Variants in METTL8 observed in about 807,000 individuals in gnomAD.
METTL8 encodes methyltransferase 8, tRNA N3-cytidine.
Under a neutral mutation model 48.7 loss-of-function variants are expected in METTL8, and 32 were observed. The observed-to-expected ratio is 0.66, with a 90% CI of 0.50 to 0.88. METTL8 has a LOEUF of 0.88. METTL8 is among the 40% of genes least tolerant of loss of function. The probability of loss-of-function intolerance (pLI) is 0.00; values close to 1 mark genes in which losing one functional copy is unlikely to be tolerated. For synonymous variants in METTL8, 136 were observed against 157.1 expected (o/e 0.87, Z 1.01); for missense variants, 464 against 474.4 (o/e 0.98, Z 0.20).
At chr2:171,404,020 T>A (rs868444800) in intron 1 of METTL8, among the ~76,000 whole-genome samples, 1 of 129,112 alleles carries the variant, frequency 7.7e-6, no homozygotes, top group Non-Finnish European at 1.6e-5. Flanking sequence ...AAACTGTGAA[T>A]AGTAACAAAC....
At position 171,407,792 on chromosome 2, in the gene METTL8, CTG is replaced by C. The variant is rs1194233114; in HGVS notation, c.-12-15597_-12-15596del. ...TATAACTGCTACTTGATTTCAGTGT[CTG>C]TGTTTGCATTTATGATCTTGCTGGC... On this transcript the variant is annotated intron_variant, in intron 1 of 9. Coordinates refer to ENST00000375258, the MANE Select transcript of METTL8 (RefSeq NM_001321154.2). 2.0e-5 allele frequency among the ~76,000 whole-genome samples: 3 copies of C among 152,180 alleles called. No individual in the cohort carries two copies. The East Asian group carries it at 5.8e-4, about 29-fold the overall frequency.
At chr2:171,361,395 A>T (rs749880719) in intron 2 of METTL8, among the ~76,000 whole-genome samples, 18 of 152,078 alleles carry the variant, frequency 1.2e-4, no homozygotes, top group African/African-American at 2.2e-4. Flanking sequence ...AACCCCTAAC[A>T]CTATTATCAT....
intron 1 of METTL8, among the ~76,000 whole-genome samples, chr2:171,430,348 A>C (rs1179727890): frequency 6.6e-6 from 1 of 151,516 alleles, no homozygotes; most frequent in Non-Finnish European, 1.5e-5. Context: ...ACAGAGCAAG[A>C]CTCCATCTCA....
intron 9 of METTL8, 71 bp from the exon 10 acceptor site, chr2:171,324,433 T>G (rs1684722169): frequency 7.8e-7 from 1 of 1,275,860 alleles, no homozygotes; most frequent in African/African-American, 1.5e-5. Flanking sequence ...AGTAGAACAC[T>G]GATGGAATAA....
chr2:171,404,134 T>C (rs1689948124), intron 1 of METTL8, among the ~76,000 whole-genome samples: 1 of 131,120 alleles, frequency 7.6e-6, no homozygotes, highest in African/African-American at 2.9e-5. Context: ...CTTAAGAGAT[T>C]AGCAATAACT....
chr2:171,380,185 A>G (rs751668963), intron 2 of METTL8, among the ~76,000 whole-genome samples: 2 of 152,234 alleles, frequency 1.3e-5, no homozygotes, highest in Admixed American at 6.5e-5. Context: ...AAGGCCTTCA[A>G]TAAAATTCAA....
At chr2:171,427,135 C>T (rs370756544) in intron 1 of METTL8, among the ~76,000 whole-genome samples, 1 of 151,322 alleles carries the variant, frequency 6.6e-6, no homozygotes, top group African/African-American at 2.5e-5. Context: ...TAGGATTTCA[C>T]TTGATTCTTT....
intron 2 of METTL8, 148 bp downstream of exon 2, chr2:171,391,895 G>T (rs1688611743): frequency 2.8e-6 from 2 of 711,226 alleles, no homozygotes; most frequent in Non-Finnish European, 2.2e-6. Context: ...CAACACTTAA[G>T]TCAGGATCGG....
chr2:171,323,153 A>G lies in METTL8; in HGVS notation c.*1019T>C, dbSNP rs1354068676. ...GCCTAGTAGGTCTCAGCTTCATTTTACACAGTCCCTATTCAAGATGAAGTT... is the reference window on the plus strand; with the variant it reads ...GCCTAGTAGGTCTCAGCTTCATTTTGCACAGTCCCTATTCAAGATGAAGTT... On this transcript the variant is annotated 3_prime_UTR_variant, in exon 10 of 10. Transcript: ENST00000375258. 1.3e-5 allele frequency: 2 copies of G among 151,426 alleles called. No individual in the cohort carries two copies. Among genetic ancestry groups the G allele is most frequent in the African/African-American group, 2.4e-5 (1 of 41,156 alleles). The allele number at this position is 151,426 out of a possible 1,614,324, so 9.4% of individuals were successfully genotyped here. A position where few individuals can be genotyped will look rare whatever the true frequency, so the allele number is the denominator to read the frequency against.
In METTL8 at chr2:171,318,810, C is replaced by T. The variant is rs1308058889; in HGVS notation, c.*5362G>A. The T allele has an allele frequency of 1.3e-5, 2 of 151,748 alleles. No individual in the cohort carries two copies. Among genetic ancestry groups the T allele is most frequent in the Non-Finnish European group, 1.5e-5 (1 of 68,014 alleles). The allele number at this position is 151,748 out of a possible 1,614,324, so 9.4% of individuals were successfully genotyped here. On this transcript the variant is annotated 3_prime_UTR_variant, in exon 10 of 10. Transcript: ENST00000375258. The stretch of plus-strand genomic sequence containing the variant: ...GCTCTTTCTTCCCTGGTGCCTTTCC[C>T]AGCAGCATTTGGGCCCATCCATTAC...
chr2:171,328,445 G>C (rs998186634), intron 7 of METTL8, among the ~76,000 whole-genome samples: 1 of 152,110 alleles, frequency 6.6e-6, no homozygotes, highest in Admixed American at 6.6e-5. Context: ...TACTTTTCTA[G>C]AACTTTTCTG....
Position 171,325,857 on chromosome 2 carries a change from T to G in METTL8, c.1017A>C (p.Ala339=). The part of the protein sequence containing the change: ...NFYVRGDGTR[A]YFFTKGEVHS... ...TTAGCATACCTTTTGTAAAGAAATATGCTCTGGTACCATCTCCTCGAACAT... is the reference window on the plus strand; with the variant it reads ...TTAGCATACCTTTTGTAAAGAAATAGGCTCTGGTACCATCTCCTCGAACAT... Residue 339 remains alanine, a synonymous_variant, in exon 9 of 10, where the codon GCA becomes GCC. Transcript: ENST00000375258. 6.3e-7 allele frequency: 1 copy of G among 1,590,340 alleles called. No homozygotes were observed. Among genetic ancestry groups the G allele is most frequent in the Non-Finnish European group, 8.6e-7 (1 of 1,166,222 alleles).
rs1684538580 is a variant in METTL8 at position 171,321,918 on chromosome 2, T to C, written c.*2254A>G. 6.6e-6 allele frequency: 1 copy of C among 152,148 alleles called. No individual in the cohort carries two copies. Among genetic ancestry groups the C allele is most frequent in the African/African-American group, 2.4e-5 (1 of 41,436 alleles). 9.4% of individuals were successfully genotyped at this position (152,148 alleles called of 1,614,324 possible). A position where few individuals can be genotyped will look rare whatever the true frequency, so the allele number is the denominator to read the frequency against. ...AAACTTCATTTCTACAAAATGTGAT[T>C]TGCAAGCCAACTTATGTCCTTTTTG... On this transcript the variant is annotated 3_prime_UTR_variant, in exon 10 of 10. Transcript: ENST00000375258.
intron 1 of METTL8, among the ~76,000 whole-genome samples, chr2:171,399,051 TA>T (rs1689393274): frequency 6.6e-6 from 1 of 152,122 alleles, no homozygotes; most frequent in Non-Finnish European, 1.5e-5. Context: ...ATCAAAGGTA[TA>T]TATTGTACCA....
At chr2:171,408,330 T>C (rs1690404109) in intron 1 of METTL8, among the ~76,000 whole-genome samples, 1 of 151,564 alleles carries the variant, frequency 6.6e-6, no homozygotes, top group African/African-American at 2.4e-5. Context: ...GTTTCACTCT[T>C]GTTCCCCAGG....
intron 1 of METTL8, among the ~76,000 whole-genome samples, chr2:171,393,983 C>A (rs1430398998): frequency 6.6e-6 from 1 of 152,116 alleles, no homozygotes; most frequent in Non-Finnish European, 1.5e-5. Flanking sequence ...AGAAATGAAA[C>A]CTTCAACAGC....
chr2:171,398,159 G>A (rs1689292546), intron 1 of METTL8, among the ~76,000 whole-genome samples: 1 of 152,184 alleles, frequency 6.6e-6, no homozygotes, highest in Non-Finnish European at 1.5e-5. Context: ...CCCAAAAGAA[G>A]TGAAAGCAGA....
intron 1 of METTL8, among the ~76,000 whole-genome samples, chr2:171,432,683 C>T (rs994484336): frequency 2.0e-5 from 3 of 152,102 alleles, no homozygotes; most frequent in African/African-American, 4.8e-5. Context: ...AGCTCGAGCC[C>T]TGAAGGAAAT....
chr2:171,421,184 A>G (rs1037127262), intron 1 of METTL8, among the ~76,000 whole-genome samples: 6 of 152,270 alleles, frequency 3.9e-5, no homozygotes, highest in Admixed American at 6.5e-5. Context: ...TATTAAATGG[A>G]AAGTTTGGCA....
Sources: allele counts gnomAD v4.1 joint callset (sites outside exome capture counted in the v4.1 genomes callset), GRCh38; gene constraint gnomAD v4.1.1; transcripts MANE v1.5; gene names NCBI Gene and HGNC (gene_info 2026-07-23, HGNC 2026-07-21).